The following RAD51B variants were observed in gnomAD, a reference collection of about 807,000 sequenced individuals.
RAD51B encodes DNA repair protein RAD51 homolog 2.
In RAD51B, 38 loss-of-function variants were observed where a neutral mutation model predicts 42.2. That is an observed-to-expected ratio of 0.90 (90% confidence interval 0.70 to 1.18). The LOEUF (loss-of-function observed/expected upper bound fraction) is 1.18. RAD51B is among the 50% of genes most tolerant of loss of function. The pLI is 0.00. For synonymous variants in RAD51B, 154 were observed against 145.2 expected (o/e 1.06, Z -0.43); for missense variants, 373 against 400.7 (o/e 0.93, Z 0.59).
At chr14:68,374,074 G>C (rs1594746590) in intron 8 of RAD51B, among the ~76,000 whole-genome samples, 2 of 152,234 alleles carry the variant, frequency 1.3e-5, no homozygotes, top group East Asian at 3.9e-4. Context: ...TTAAAGATGA[G>C]GAAATGAAAC....
chr14:68,477,662 T>C lies in RAD51B; in HGVS notation c.1051T>C (p.Ter351GlnextTer13). 6.2e-7 allele frequency: 1 copy of C among 1,607,622 alleles called. No individual in the cohort carries two copies. The highest frequency in any genetic ancestry group is 8.5e-7 in the Non-Finnish European group (1 of 1,176,522). Residue 351 changes from the stop codon to glutamine, a stop_lost, in exon 11 of 11, where the codon TAG becomes CAG. Coordinates refer to ENST00000471583, the MANE Select transcript of RAD51B (RefSeq NM_133510.4). ...GLVLQGQEKP[*>Q] ...TTTTCCTTTAGGCCAAGAGAAGCCATAGGGATACTGTGACCTTTGTCTAGA... is the reference window on the plus strand; with the variant it reads ...TTTTCCTTTAGGCCAAGAGAAGCCACAGGGATACTGTGACCTTTGTCTAGA...
intron 8 of RAD51B, among the ~76,000 whole-genome samples, chr14:68,403,881 T>C (rs967487142): frequency 5.3e-5 from 8 of 152,262 alleles, no homozygotes; most frequent in African/African-American, 1.7e-4. Context: ...CTGTCACTTA[T>C]ACATATCAAG....
chr14:68,669,870 C>T (rs552557503), intron 11 of RAD51B, among the ~76,000 whole-genome samples: 4 of 152,308 alleles, frequency 2.6e-5, no homozygotes, highest in African/African-American at 9.6e-5. Context: ...CAAGGACCTG[C>T]GACCTGCTGT....
At chr14:67,929,120 T>C (rs1354404332) in intron 7 of RAD51B, among the ~76,000 whole-genome samples, 3 of 152,114 alleles carry the variant, frequency 2.0e-5, no homozygotes, top group Non-Finnish European at 4.4e-5. Context: ...TTATTTCTTT[T>C]CTTCTGCTAA....
chr14:68,254,424 T>C (rs550200889), intron 7 of RAD51B, among the ~76,000 whole-genome samples: 22 of 152,318 alleles, frequency 1.4e-4, no homozygotes, highest in African/African-American at 5.3e-4. Flanking sequence ...TAACTGAAAT[T>C]GATTATTTCC....
At chr14:68,297,470 T>G (rs1299941874) in intron 8 of RAD51B, among the ~76,000 whole-genome samples, 1 of 152,144 alleles carries the variant, frequency 6.6e-6, no homozygotes, top group Non-Finnish European at 1.5e-5. Context: ...ACCACAGACT[T>G]TGGGGTGGGT....
chr14:67,995,302 G>A lies in RAD51B; in HGVS notation c.756+108098G>A, dbSNP rs375062190. On this transcript the variant is annotated intron_variant, in intron 7 of 10. Coordinates refer to ENST00000471583, the MANE Select transcript of RAD51B (RefSeq NM_133510.4). Reference sequence around the variant, plus strand: ...CTCGGGAGGCTGAGACAGGAGAATTGCTTGAACCTGGGAGGCAGAGGTTGC... The same window carrying A: ...CTCGGGAGGCTGAGACAGGAGAATTACTTGAACCTGGGAGGCAGAGGTTGC... Among the ~76,000 whole-genome samples the A allele has an allele frequency of 2.0e-4, 30 of 152,084 alleles. No individual in the cohort carries two copies. The East Asian group carries it at 5.2e-3, about 27-fold the overall frequency.
intron 7 of RAD51B, among the ~76,000 whole-genome samples, chr14:67,946,198 A>C: frequency 6.6e-6 from 1 of 152,232 alleles, no homozygotes; most frequent in East Asian, 1.9e-4. Context: ...ACTTTTTTCT[A>C]ATTCAACTTT....
chr14:68,541,459 G>A lies in RAD51B; in HGVS notation c.1037-53026G>A, dbSNP rs886206048. ...CAATTAATCATGCCTGTCAGGAGGG[G>A]GAATGGCCCCTCTGGCTGAAACAGT... is the stretch of plus-strand genomic sequence containing the variant. On this transcript the variant is annotated intron_variant, in intron 10 of 10. Transcript: ENST00000487270. 9.1e-6 allele frequency: 9 copies of A among 985,276 alleles called. No individual in the cohort carries two copies. The African/African-American group carries it at 1.4e-4, about 15-fold the overall frequency. The allele number at this position is 985,276 out of a possible 1,614,324, so 61.0% of individuals were successfully genotyped here.
rs17105264 is a variant in RAD51B, at chr14:68,255,699, C to T, written c.757-36185C>T. Among the ~76,000 whole-genome samples, 1,401 of 152,322 alleles carry T rather than the reference C, an allele frequency of 9.2e-3. 24 individuals are homozygous for T. Among genetic ancestry groups the T allele is most frequent in the African/African-American group, 0.032 (1,325 of 41,566 alleles). Reference sequence around the variant, plus strand: ...TTCTCAACTGCCCATACCATGATCTCACCTATCTGCTGCAATGTAATAGTC... The same window carrying T: ...TTCTCAACTGCCCATACCATGATCTTACCTATCTGCTGCAATGTAATAGTC... On this transcript the variant is annotated intron_variant, in intron 7 of 10. Transcript: ENST00000471583.
chr14:68,631,969 G>C (rs956987789), intron 10 of RAD51B, among the ~76,000 whole-genome samples: 2 of 152,174 alleles, frequency 1.3e-5, no homozygotes, highest in Non-Finnish European at 2.9e-5. Context: ...CCCTCAGTGA[G>C]GGTTTACTGA....
At chr14:68,253,730 T>C (rs2080691234) in intron 7 of RAD51B, among the ~76,000 whole-genome samples, 1 of 152,214 alleles carries the variant, frequency 6.6e-6, no homozygotes, top group Admixed American at 6.5e-5. Flanking sequence ...GTAACCCCCC[T>C]GTGGGGTAGG....
chr14:67,851,069 G>A (rs1027360674), intron 4 of RAD51B, among the ~76,000 whole-genome samples: 3 of 152,110 alleles, frequency 2.0e-5, no homozygotes, highest in Non-Finnish European at 2.9e-5. Flanking sequence ...ATTTAAGAGC[G>A]GGGTTGGGGG....
intron 10 of RAD51B, among the ~76,000 whole-genome samples, chr14:68,604,819 G>A (rs1891378679): frequency 9.6e-6 from 1 of 104,578 alleles, no homozygotes; most frequent in Non-Finnish European, 2.3e-5. Context: ...TAGCACTCAG[G>A]GCTCCCTGAG....
chr14:67,934,312 A>G (rs962439560), intron 7 of RAD51B, among the ~76,000 whole-genome samples: 5 of 152,196 alleles, frequency 3.3e-5, no homozygotes, highest in African/African-American at 1.2e-4. Context: ...GAGAGAAAGG[A>G]AGAGATAAAG....
At chr14:68,336,084 A>T (rs1171667135) in intron 8 of RAD51B, among the ~76,000 whole-genome samples, 2 of 152,248 alleles carry the variant, frequency 1.3e-5, no homozygotes, top group Non-Finnish European at 2.9e-5. Flanking sequence ...CAATAATAAT[A>T]GTACCTATTT....
chr14:68,625,097 C>T (rs1252138912), intron 10 of RAD51B, among the ~76,000 whole-genome samples: 4 of 152,150 alleles, frequency 2.6e-5, no homozygotes, highest in Non-Finnish European at 5.9e-5. Flanking sequence ...GGAGCTGGGA[C>T]CTGGACTAGT....
chr14:68,072,592 C>A (rs1331254588), intron 7 of RAD51B, among the ~76,000 whole-genome samples: 1 of 152,180 alleles, frequency 6.6e-6, no homozygotes, highest in Non-Finnish European at 1.5e-5. Flanking sequence ...CCTTTGACAA[C>A]ACCCTCACAG....
intron 7 of RAD51B, among the ~76,000 whole-genome samples, chr14:68,267,054 G>A (rs920265911): frequency 6.6e-6 from 1 of 152,196 alleles, no homozygotes; most frequent in Non-Finnish European, 1.5e-5. Context: ...TCTAGGTGCT[G>A]TTTCTCCTGA....
Sources: gnomAD v4.1 joint callset for allele counts (sites outside exome capture counted in the v4.1 genomes callset) on GRCh38, gnomAD v4.1.1 for gene constraint, MANE v1.5 for transcripts, NCBI Gene and HGNC (gene_info 2026-07-23, HGNC 2026-07-21) for gene names.